The following IL1RAPL1 variants were observed in gnomAD, a reference collection of about 807,000 sequenced individuals.
IL1RAPL1 encodes the protein interleukin 1 receptor accessory protein like 1.
A neutral mutation model predicts 48.4 loss-of-function variants in IL1RAPL1; 3 were observed. That is an observed-to-expected ratio of 0.06 (90% CI 0.03 to 0.16). IL1RAPL1 has a LOEUF of 0.16. Ranked by LOEUF, IL1RAPL1 falls within the 10% of genes least tolerant of loss-of-function variation. IL1RAPL1 has a pLI of 1.00. For missense variants in IL1RAPL1, 349 were observed against 530.6 expected (o/e 0.66, Z 3.36); for synonymous variants, 185 against 187.7 (o/e 0.99, Z 0.12).
chrX:29,519,791 C>G lies in IL1RAPL1; in HGVS notation c.703+120483C>G, dbSNP rs149803689. Among the ~76,000 whole-genome samples the G allele has an allele frequency of 1.5e-3, 166 of 111,581 alleles. 1 individual carries two copies. The highest frequency in any genetic ancestry group is 4.8e-3 in the African/African-American group (149 of 30,722). ...GAATGGTAAAATGAACATTGGTGGC[C>G]TCCCTGTCCCCCAGTGGAATTCCAA... On this transcript the variant is annotated intron_variant, in intron 5 of 10. Coordinates refer to ENST00000378993, the MANE Select transcript of IL1RAPL1 (RefSeq NM_014271.4).
intron 1 of IL1RAPL1, among the ~76,000 whole-genome samples, chrX:28,670,433 T>A (rs1428141080): frequency 8.9e-6 from 1 of 112,055 alleles, no homozygotes; most frequent in Non-Finnish European, 1.9e-5. Flanking sequence ...GAAAAAAATA[T>A]GTGTTCTTTC....
At chrX:28,860,121 A>G (rs939252266) in intron 2 of IL1RAPL1, among the ~76,000 whole-genome samples, 2 of 111,813 alleles carry the variant, frequency 1.8e-5, no homozygotes, top group Non-Finnish European at 3.8e-5. Flanking sequence ...CTTTGACTAA[A>G]CTATAATTAC....
chrX:28,904,873 T>G (rs902938277), intron 2 of IL1RAPL1, among the ~76,000 whole-genome samples: 1 of 112,080 alleles, frequency 8.9e-6, no homozygotes, highest in African/African-American at 3.2e-5. Flanking sequence ...ATGTATACAT[T>G]GAAATAACAA....
Position 28,994,673 on chromosome X carries a change from G to A in IL1RAPL1, c.82+205248G>A, listed in dbSNP as rs145009553. Among the ~76,000 whole-genome samples, 269 of 111,744 alleles carry A rather than the reference G, an allele frequency of 2.4e-3. 2 individuals are homozygous for A. Among genetic ancestry groups the A allele is most frequent in the African/African-American group, 8.4e-3 (260 of 30,810 alleles). On this transcript the variant is annotated intron_variant, in intron 2 of 10. Coordinates refer to ENST00000378993, the MANE Select transcript of IL1RAPL1 (RefSeq NM_014271.4). ...GATATACAGGAATAAGTTCCTGATA[G>A]GTTTAAATGCAGTGAAGAGTGATTT...
intron 2 of IL1RAPL1, among the ~76,000 whole-genome samples, chrX:29,005,389 A>G (rs950544530): frequency 8.9e-6 from 1 of 112,248 alleles, no homozygotes; most frequent in Non-Finnish European, 1.9e-5. Flanking sequence ...CATAATGACT[A>G]TATTAGCATA....
intron 1 of IL1RAPL1, among the ~76,000 whole-genome samples, chrX:28,680,791 C>A (rs1215776147): frequency 1.8e-5 from 2 of 111,702 alleles, no homozygotes; most frequent in African/African-American, 3.2e-5. Context: ...ATCCTTGAAT[C>A]TAAGGGATAA....
chrX:28,798,457 A>G (rs911347587), intron 2 of IL1RAPL1, among the ~76,000 whole-genome samples: 2 of 111,635 alleles, frequency 1.8e-5, no homozygotes, highest in Admixed American at 1.9e-4. Flanking sequence ...TCTTTCCCTT[A>G]TAAGGGTCTT....
rs796452553 is a variant in IL1RAPL1, at chrX:29,948,846, GAA to G, written c.1202-5665_1202-5664del. 3.5e-3 allele frequency among the ~76,000 whole-genome samples: 311 copies of G among 88,979 alleles called. 2 individuals carry two copies. The highest frequency in any genetic ancestry group is 5.5e-3 in the Non-Finnish European group (242 of 43,769). The allele number at this position is 88,979 out of a possible 115,157, so 77.3% of individuals were successfully genotyped here. On this transcript the variant is annotated intron_variant, in intron 9 of 10. Transcript: ENST00000378993. ...ATATACTTGAGAACAAAAAAAAAAA[GAA>G]AAAAAAAAAAGGAATGGCCAGCTGC...
chrX:29,393,347 T>G (rs1327907798), intron 3 of IL1RAPL1, among the ~76,000 whole-genome samples: 1 of 111,991 alleles, frequency 8.9e-6, no homozygotes, highest in South Asian at 3.7e-4. Flanking sequence ...GGTCTCGATC[T>G]CCTGACCTCG....
chrX:29,724,120 G>A (rs1927716010), intron 6 of IL1RAPL1, among the ~76,000 whole-genome samples: 1 of 111,719 alleles, frequency 9.0e-6, no homozygotes, highest in Non-Finnish European at 1.9e-5. Flanking sequence ...TGGCCAATAT[G>A]TATATACTAT....
At chrX:29,405,725 C>A (rs1210175900) in intron 5 of IL1RAPL1, among the ~76,000 whole-genome samples, 1 of 109,509 alleles carries the variant, frequency 9.1e-6, no homozygotes, top group Non-Finnish European at 1.9e-5. Context: ...ATATGGTATG[C>A]CTAGGTATAG....
intron 1 of IL1RAPL1, among the ~76,000 whole-genome samples, chrX:28,783,346 A>G (rs1337004341): frequency 2.7e-5 from 3 of 112,006 alleles, no homozygotes; most frequent in Non-Finnish European, 5.6e-5. Flanking sequence ...CAAGAAGCGT[A>G]TGACTTCAGA....
At chrX:29,743,046 C>T (rs1928244760) in intron 6 of IL1RAPL1, among the ~76,000 whole-genome samples, 1 of 109,203 alleles carries the variant, frequency 9.2e-6, no homozygotes, top group African/African-American at 3.3e-5. Flanking sequence ...TGTATAAATA[C>T]GTTTATATAT....
chrX:29,037,721 G>A (rs1172047977), intron 2 of IL1RAPL1, among the ~76,000 whole-genome samples: 1 of 111,572 alleles, frequency 9.0e-6, no homozygotes, highest in Non-Finnish European at 1.9e-5. Context: ...AGATACAAAG[G>A]CACAGTTTTT....
intron 2 of IL1RAPL1, among the ~76,000 whole-genome samples, chrX:29,128,652 T>C (rs958366074): frequency 8.9e-6 from 1 of 111,740 alleles, no homozygotes; most frequent in African/African-American, 3.3e-5. Flanking sequence ...TACTTGCTTC[T>C]CTGTTTCCTG....
intron 2 of IL1RAPL1, among the ~76,000 whole-genome samples, chrX:29,087,763 A>G (rs1262178168): frequency 8.9e-6 from 1 of 112,626 alleles, no homozygotes; most frequent in Middle Eastern, 4.6e-3. Context: ...GCTGAGCTCA[A>G]TGGCTCACAC....
Position 28,768,749 on chromosome X carries a change from C to A in IL1RAPL1, c.-24-20571C>A, listed in dbSNP as rs867762754. Among the ~76,000 whole-genome samples the A allele has an allele frequency of 3.3e-3, 230 of 69,623 alleles. 1 individual carries two copies. The highest frequency in any genetic ancestry group is 8.5e-3 in the African/African-American group (145 of 17,051). The allele number at this position is 69,623 out of a possible 115,157, so 60.5% of individuals were successfully genotyped here. A position where few individuals can be genotyped will look rare whatever the true frequency, so the allele number is the denominator to read the frequency against. On this transcript the variant is annotated intron_variant, in intron 1 of 10. Coordinates refer to ENST00000378993, the MANE Select transcript of IL1RAPL1 (RefSeq NM_014271.4). ...TCTCTGTCTCTCTCTCTCTCTCTCT[C>A]TCTCTCTATATATATATATATATAT...
At position 28,698,116 on chromosome X, in the gene IL1RAPL1, G is replaced by T. The variant is rs193255265; in HGVS notation, c.-24-91204G>T. 3.6e-5 allele frequency among the ~76,000 whole-genome samples: 4 copies of T among 111,520 alleles called. No individual in the cohort carries two copies. In the Admixed American group the frequency reaches 3.8e-4, roughly 11 times the overall value. ...TGAATGAATACAAATAAATGAATAT[G>T]AATATGTAAATTGGATAGACTGAAC... On this transcript the variant is annotated intron_variant, in intron 1 of 10. Transcript: ENST00000378993.
In IL1RAPL1 at chrX:28,992,535, A is replaced by C. The variant is rs201677984; in HGVS notation, c.82+203110A>C. 1.4e-4 allele frequency among the ~76,000 whole-genome samples: 15 copies of C among 109,962 alleles called. No homozygotes were observed. The East Asian group carries it at 4.2e-3, about 31-fold the overall frequency. On this transcript the variant is annotated intron_variant, in intron 2 of 10. Transcript: ENST00000378993. ...AAAAAAAAGAAGAAAAAAAAAAGAA[A>C]ACTGCCAAGTATGGTAGAAATAACA...
Sources: allele counts gnomAD v4.1 joint callset (sites outside exome capture counted in the v4.1 genomes callset), GRCh38; gene constraint gnomAD v4.1.1; transcripts MANE v1.5; gene names NCBI Gene and HGNC (gene_info 2026-07-23, HGNC 2026-07-21).